The following EGFLAM variants were observed in gnomAD, a reference collection of about 807,000 sequenced individuals.
EGFLAM encodes the protein pikachurin.
In EGFLAM, 79 loss-of-function variants were observed where a neutral mutation model predicts 113.1. That is an observed-to-expected ratio of 0.70 (90% CI 0.58 to 0.84). The LOEUF (loss-of-function observed/expected upper bound fraction) is 0.84, where lower values mean the gene tolerates loss of function less well. EGFLAM is among the 40% of genes least tolerant of loss of function. The pLI, the probability that EGFLAM is intolerant of heterozygous loss-of-function variation, is 0.00. For synonymous variants in EGFLAM, 504 were observed against 487.6 expected (o/e 1.03, Z -0.44); for missense variants, 1,265 against 1,291.6 (o/e 0.98, Z 0.32).
intron 1 of EGFLAM, among the ~76,000 whole-genome samples, chr5:38,318,265 A>G (rs572657723): frequency 4.0e-5 from 6 of 151,816 alleles, no homozygotes; most frequent in African/African-American, 1.4e-4. Flanking sequence ...ATAGTATACT[A>G]TAGTATACTA....
chr5:38,370,134 T>C (rs1740165813), intron 5 of EGFLAM, among the ~76,000 whole-genome samples, 162 bp from the exon 6 acceptor site: 1 of 152,230 alleles, frequency 6.6e-6, no homozygotes, highest in African/African-American at 2.4e-5. Context: ...AAATGATGAC[T>C]TGTGATTTCA....
At chr5:38,418,442 C>T (rs1579903607) in intron 12 of EGFLAM, among the ~76,000 whole-genome samples, 187 bp downstream of exon 12, 4 of 152,172 alleles carry the variant, frequency 2.6e-5, no homozygotes, top group Admixed American at 2.6e-4. Context: ...ATGCTGCTGA[C>T]CCCGCATCTG....
intron 6 of EGFLAM, among the ~76,000 whole-genome samples, chr5:38,381,420 G>A (rs1219042018): frequency 1.3e-5 from 2 of 152,178 alleles, no homozygotes; most frequent in African/African-American, 4.8e-5. Flanking sequence ...ATCTGATAAT[G>A]CAACCGAATA....
chr5:38,396,448 A>C (rs1162098848), intron 6 of EGFLAM, among the ~76,000 whole-genome samples: 1 of 152,224 alleles, frequency 6.6e-6, no homozygotes, highest in Non-Finnish European at 1.5e-5. Flanking sequence ...GGGGTCTTTC[A>C]ACTAACATTT....
chr5:38,349,385 C>CAAT lies in EGFLAM; in HGVS notation c.292-1114_292-1112dup, dbSNP rs1259205385. 8.5e-5 allele frequency among the ~76,000 whole-genome samples: 13 copies of CAAT among 152,270 alleles called. No homozygotes were observed. In the East Asian group the frequency reaches 2.5e-3, roughly 29 times the overall value. ...GAGGAAGGTTCCCACATGCCCAAGA[C>CAAT]AATATCATGACCACTCATTTCCTGA... On this transcript the variant is annotated intron_variant, in intron 3 of 21. Transcript: ENST00000322350.
intron 18 of EGFLAM, among the ~76,000 whole-genome samples, chr5:38,450,738 C>T (rs1199645165): frequency 1.3e-5 from 2 of 152,206 alleles, no homozygotes; most frequent in Non-Finnish European, 2.9e-5. Flanking sequence ...CCTGAGCACC[C>T]CTCCTTTCCT....
intron 11 of EGFLAM, among the ~76,000 whole-genome samples, chr5:38,415,949 A>G (rs973801373): frequency 6.6e-6 from 1 of 152,152 alleles, no homozygotes. Flanking sequence ...AACCACCCCC[A>G]TGATTCAATT....
In EGFLAM at chr5:38,338,775, G is replaced by T; in HGVS notation, c.285G>T (p.Pro95=). 6.2e-7 allele frequency: 1 copy of T among 1,614,132 alleles called. No homozygotes were observed. Among genetic ancestry groups the T allele is most frequent in the Admixed American group, 1.7e-5 (1 of 60,018 alleles). Residue 95 remains proline (P), a synonymous_variant, in exon 3 of 22, where the codon CCG becomes CCT. Transcript: ENST00000322350. ...LHSVPLSRDI[P]TTEEVIGDLK... ...GCGTGCCTCTCAGCCGGGACATCCC[G>T]ACCACGGTGAGTCTTTCCATCCTGG...
Position 38,280,701 on chromosome 5 carries a change from C to T in EGFLAM, c.97+21850C>T, listed in dbSNP as rs73750665. ...GGTGCATCAGTGTCCCTAGTTGTTC[C>T]TTAAAGCTGCTCACACCTCTGTAAG... On this transcript the variant is annotated intron_variant, in intron 1 of 21. Coordinates refer to ENST00000322350, the MANE Select transcript of EGFLAM (RefSeq NM_152403.4). Among the ~76,000 whole-genome samples the T allele has an allele frequency of 6.7e-3, 1,025 of 152,302 alleles. 12 individuals are homozygous for T. Among genetic ancestry groups the T allele is most frequent in the African/African-American group, 0.024 (990 of 41,560 alleles).
intron 17 of EGFLAM, 119 bp from the exon 18 acceptor site, chr5:38,448,182 G>A (rs1742782016): frequency 3.7e-6 from 4 of 1,088,982 alleles, no homozygotes; most frequent in African/African-American, 1.5e-5. Flanking sequence ...GAAGGGAAGG[G>A]GCTGATGAAT....
intron 1 of EGFLAM, among the ~76,000 whole-genome samples, chr5:38,273,266 C>G (rs1035210855): frequency 7.9e-5 from 12 of 152,216 alleles, no homozygotes; most frequent in African/African-American, 2.9e-4. Flanking sequence ...AAACCCAGCA[C>G]TGGGAAGTCC....
At chr5:38,264,018 A>G (rs886099791) in intron 1 of EGFLAM, among the ~76,000 whole-genome samples, 8 of 152,140 alleles carry the variant, frequency 5.3e-5, no homozygotes, top group African/African-American at 2.4e-5. Context: ...TCTCTCTACA[A>G]GGTTCTGTCA....
At chr5:38,329,784 A>G (rs1738993893) in intron 1 of EGFLAM, among the ~76,000 whole-genome samples, 1 of 152,184 alleles carries the variant, frequency 6.6e-6, no homozygotes, top group South Asian at 2.1e-4. Flanking sequence ...GCTATGGGCC[A>G]CTAAAGTGCT....
intron 11 of EGFLAM, among the ~76,000 whole-genome samples, chr5:38,416,693 G>A (rs1244754233): frequency 6.6e-6 from 1 of 152,166 alleles, no homozygotes; most frequent in East Asian, 1.9e-4. Context: ...GAACAAAACT[G>A]GAAGGGCCAG....
At chr5:38,426,932 A>G in intron 13 of EGFLAM, 77 bp from the exon 14 acceptor site, 1 of 1,567,278 alleles carries the variant, frequency 6.4e-7, no homozygotes, top group Non-Finnish European at 8.6e-7. Context: ...CCCAGGAGGG[A>G]AAGAACACAG....
intron 10 of EGFLAM, 104 bp from the exon 11 acceptor site, chr5:38,412,396 AGACT>A: frequency 6.5e-7 from 1 of 1,534,130 alleles, no homozygotes; most frequent in Non-Finnish European, 9.0e-7. Context: ...GACTCTGAAC[AGACT>A]GACTCTGAAG....
In EGFLAM at chr5:38,418,096, CCT is replaced by C; in HGVS notation, c.1530_1531del (p.Tyr511SerfsTer12). On this transcript the variant is annotated frameshift_variant, in exon 12 of 22. Transcript: ENST00000322350. LOFTEE classifies it high-confidence loss of function. ...GQYSKITFRTPLYLGGAPSAY... is the reference protein window; with the variant it reads ...GQYSKITFRTXLYLGGAPSAY... ...ATACAGTAAAATTACTTTCCGGACACCTCTCTATCTTGGTGGCGCTCCCAGCG... is the reference window on the plus strand; with the variant it reads ...ATACAGTAAAATTACTTTCCGGACACCTCTATCTTGGTGGCGCTCCCAGCG... 1 of 1,614,082 alleles carries C rather than the reference CCT, an allele frequency of 6.2e-7. No individual in the cohort carries two copies.
At chr5:38,346,758 T>C (rs1739481828) in intron 3 of EGFLAM, among the ~76,000 whole-genome samples, 1 of 151,980 alleles carries the variant, frequency 6.6e-6, no homozygotes, top group Non-Finnish European at 1.5e-5. Flanking sequence ...AAGCCTGGAG[T>C]GTTAGTCGGG....
At chr5:38,462,141 C>T (rs979428229) in intron 20 of EGFLAM, among the ~76,000 whole-genome samples, 4 of 152,132 alleles carry the variant, frequency 2.6e-5, no homozygotes, top group Admixed American at 2.6e-4. Flanking sequence ...TGCACTCCAG[C>T]CTGGGCGACA....
Sources: allele counts gnomAD v4.1 joint callset (sites outside exome capture counted in the v4.1 genomes callset), GRCh38; gene constraint gnomAD v4.1.1; transcripts MANE v1.5; gene names NCBI Gene and HGNC (gene_info 2026-07-23, HGNC 2026-07-21).